The following BTD variants were observed in gnomAD, a reference collection of about 807,000 sequenced individuals.
BTD encodes the protein biotinidase.
In BTD, 13 loss-of-function variants were observed where a neutral mutation model predicts 17.7. The ratio of observed to expected loss-of-function variants is 0.74; its 90% CI spans 0.48 to 1.17. The LOEUF is 1.17. Among genes scored for constraint, BTD ranks in the 50% most tolerant of loss-of-function variants. The pLI, the probability that BTD is intolerant of heterozygous loss-of-function variation, is 0.00. For missense variants in BTD, 674 were observed against 650.4 expected (o/e 1.04, Z -0.39); for synonymous variants, 240 against 245.2 (o/e 0.98, Z 0.20).
At chr3:15,658,027 G>A (rs2065888560), downstream of BTD, among the ~76,000 whole-genome samples, 1 of 152,064 alleles carries the variant, frequency 6.6e-6, no homozygotes. Flanking sequence ...AGTTAGCTGG[G>A]CATGGTGGTG....
rs768524481 is a variant in BTD, at chr3:15,651,203, G to A, written c.*5715G>A. ...TTTCCCAGGGGAACACTGGGACAGCGTTACCAGGGGAAGGGGAGTGGGATA... is the reference window on the plus strand; with the variant it reads ...TTTCCCAGGGGAACACTGGGACAGCATTACCAGGGGAAGGGGAGTGGGATA... On this transcript the variant is annotated 3_prime_UTR_variant, in exon 4 of 4. Coordinates refer to ENST00000643237, the MANE Select transcript of BTD (RefSeq NM_001370658.1). 5.3e-5 allele frequency among the ~76,000 whole-genome samples: 8 copies of A among 152,214 alleles called. No individual in the cohort carries two copies. The highest frequency in any genetic ancestry group is 3.2e-3 in the Middle Eastern group (1 of 316).
At chr3:15,704,907 T>A (rs1420750061) in intron 3 of BTD, among the ~76,000 whole-genome samples, 1 of 152,170 alleles carries the variant, frequency 6.6e-6, no homozygotes, top group Non-Finnish European at 1.5e-5. Context: ...TTAATAAAGA[T>A]AGGAAACAGA....
At chr3:15,655,938 G>A (rs191638928), downstream of BTD, among the ~76,000 whole-genome samples, 2 of 152,262 alleles carry the variant, frequency 1.3e-5, no homozygotes, top group Admixed American at 1.3e-4. Context: ...ATGTAGCTGG[G>A]ATTACAGGCT....
At chr3:15,627,299 C>T (rs758938565) in intron 1 of BTD, among the ~76,000 whole-genome samples, 5 of 152,146 alleles carry the variant, frequency 3.3e-5, no homozygotes, top group Non-Finnish European at 4.4e-5. Context: ...CACAGCTCAC[C>T]GCAACCCCTG....
In BTD at chr3:15,646,297, A is replaced by T. The variant is rs1347643086; in HGVS notation, c.*809A>T. On this transcript the variant is annotated 3_prime_UTR_variant, in exon 4 of 4. Transcript: ENST00000643237. ...GGGATTCCAGGGACCTTAATAAATC[A>T]CGGTAGCTTTGGGCAAGAGTTGGGC... 6.6e-6 allele frequency: 1 copy of T among 152,192 alleles called. No homozygotes were observed. The highest frequency in any genetic ancestry group is 2.4e-5 in the African/African-American group (1 of 41,424). The allele number at this position is 152,192 out of a possible 1,614,324, so 9.4% of individuals were successfully genotyped here.
chr3:15,681,493 G>T (rs1419477782), intron 3 of BTD, among the ~76,000 whole-genome samples: 1 of 152,134 alleles, frequency 6.6e-6, no homozygotes, highest in Non-Finnish European at 1.5e-5. Flanking sequence ...CAAATAAAAT[G>T]TTGCTTATTT....
chr3:15,639,413 C>T (rs1286311028), intron 2 of BTD, among the ~76,000 whole-genome samples: 2 of 151,796 alleles, frequency 1.3e-5, no homozygotes, highest in Non-Finnish European at 1.5e-5. Context: ...ATTAAGGAAC[C>T]AGTAAGATGG....
intron 1 of BTD, chr3:15,602,226 C>G: frequency 7.5e-7 from 1 of 1,331,770 alleles, no homozygotes; most frequent in Non-Finnish European, 9.6e-7. Context: ...GTCAGTAGAT[C>G]CAGACCGTGC....
intron 3 of BTD, chr3:15,686,236 T>G: frequency 6.3e-7 from 1 of 1,592,702 alleles, no homozygotes; most frequent in Non-Finnish European, 8.6e-7. Flanking sequence ...CATTTCCATC[T>G]TGAATATCCA....
intron 1 of BTD, among the ~76,000 whole-genome samples, chr3:15,608,707 A>G (rs2064528900): frequency 6.6e-6 from 1 of 151,544 alleles, no homozygotes; most frequent in African/African-American, 2.4e-5. Context: ...TGGAGGTTGC[A>G]GTGAGCCGAG....
intron 3 of BTD, among the ~76,000 whole-genome samples, chr3:15,664,588 G>A (rs1480085350): frequency 1.3e-5 from 2 of 152,154 alleles, no homozygotes; most frequent in Non-Finnish European, 2.9e-5. Flanking sequence ...AATTTTGCCA[G>A]TTTTATCACG....
chr3:15,637,183 G>A (rs1450263287), intron 2 of BTD, among the ~76,000 whole-genome samples: 1 of 151,974 alleles, frequency 6.6e-6, no homozygotes, highest in Non-Finnish European at 1.5e-5. Flanking sequence ...CCCTTCCACA[G>A]TTCCTTAGGA....
At chr3:15,606,821 T>C (rs997433722) in intron 1 of BTD, 6 of 152,204 alleles carry the variant, frequency 3.9e-5, no homozygotes, top group African/African-American at 1.2e-4. Context: ...TGCAATCCAA[T>C]TGTAATTACA....
intron 3 of BTD, among the ~76,000 whole-genome samples, chr3:15,707,345 A>G (rs1321225652): frequency 6.6e-6 from 1 of 152,158 alleles, no homozygotes; most frequent in African/African-American, 2.4e-5. Context: ...TTTATGCATC[A>G]TTTATTCTTG....
intron 3 of BTD, among the ~76,000 whole-genome samples, chr3:15,709,445 C>A (rs1307911537): frequency 6.6e-6 from 1 of 151,900 alleles, no homozygotes; most frequent in Admixed American, 6.6e-5. Context: ...TTTATAAGGC[C>A]AAGGCTGTGG....
chr3:15,684,990 C>A, intron 3 of BTD: 3 of 506,068 alleles, frequency 5.9e-6, no homozygotes, highest in East Asian at 6.9e-5. Flanking sequence ...AAAGAAAAAC[C>A]TCAAAAATAC....
intron 3 of BTD, among the ~76,000 whole-genome samples, chr3:15,663,090 C>A (rs952027269): frequency 6.6e-6 from 1 of 151,914 alleles, no homozygotes; most frequent in African/African-American, 2.4e-5. Context: ...CTCCACCTCC[C>A]GGTTTCAAGT....
chr3:15,670,629 A>G lies in BTD; in HGVS notation c.399+28572A>G. 3 of 1,416,766 alleles carry G rather than the reference A, an allele frequency of 2.1e-6. No homozygotes were observed. In the South Asian group the frequency reaches 4.1e-5, roughly 19 times the overall value. 87.8% of individuals were successfully genotyped at this position (1,416,766 alleles called of 1,614,324 possible). A position where few individuals can be genotyped will look rare whatever the true frequency, so the allele number is the denominator to read the frequency against. ...TCACCAAAGACAAGGAAATAAGCCT[A>G]AAGTACTTCAACTTTAGACATATTT... is the stretch of plus-strand genomic sequence containing the variant. On this transcript the variant is annotated intron_variant, in intron 3 of 3. Coordinates refer to the BTD transcript ENST00000672141.
At chr3:15,603,023 G>C (rs1195672677) in intron 1 of BTD, among the ~76,000 whole-genome samples, 4 of 152,104 alleles carry the variant, frequency 2.6e-5, no homozygotes, top group Admixed American at 2.0e-4. Flanking sequence ...CAGGGGAACT[G>C]CCCTTTATAA....
Sources: gnomAD v4.1 joint callset for allele counts (sites outside exome capture counted in the v4.1 genomes callset) on GRCh38, gnomAD v4.1.1 for gene constraint, MANE v1.5 for transcripts, NCBI Gene and HGNC (gene_info 2026-07-23, HGNC 2026-07-21) for gene names.